Variants in MIPOL1 observed in about 807,000 individuals in gnomAD.
MIPOL1 encodes mirror-image polydactyly gene 1 protein.
A neutral mutation model predicts 60.9 loss-of-function variants in MIPOL1; 57 were observed. The observed-to-expected ratio is 0.94, with a 90% CI of 0.76 to 1.17. MIPOL1 has a LOEUF of 1.17. MIPOL1 is among the 50% of genes most tolerant of loss of function. The pLI, the probability that MIPOL1 is intolerant of heterozygous loss-of-function variation, is 0.00. For missense variants in MIPOL1, 551 were observed against 511.6 expected (o/e 1.08, Z -0.74); for synonymous variants, 179 against 168.8 (o/e 1.06, Z -0.47).
At chr14:37,324,383 T>C (rs2088928212) in intron 9 of MIPOL1, among the ~76,000 whole-genome samples, 1 of 152,134 alleles carries the variant, frequency 6.6e-6, no homozygotes, top group African/African-American at 2.4e-5. Flanking sequence ...CATCTGTTTA[T>C]GTATTTTGCC....
chr14:37,243,567 ATC>A (rs1972686710), intron 1 of MIPOL1, among the ~76,000 whole-genome samples: 1 of 152,162 alleles, frequency 6.6e-6, no homozygotes. Flanking sequence ...ATTGTAAATG[ATC>A]TCTAGTTTGA....
At chr14:37,241,227 C>A (rs116881755) in intron 1 of MIPOL1, among the ~76,000 whole-genome samples, 24 of 152,224 alleles carry the variant, frequency 1.6e-4, no homozygotes, top group Admixed American at 7.2e-4. Flanking sequence ...AAGGAGATCC[C>A]TCTTGCTTTC....
At position 37,308,547 on chromosome 14, in the gene MIPOL1, T is replaced by A. The variant is rs549698891; in HGVS notation, c.828+28T>A. On this transcript the variant is annotated intron_variant, in intron 9 of 12. Coordinates refer to ENST00000684589, the MANE Select transcript of MIPOL1 (RefSeq NM_001388067.1). Reference sequence around the variant, plus strand: ...AACTCTGCATATATCTGTAAAAGCATATACTTACCATTTTCCTCTCTATTT... The same window carrying A: ...AACTCTGCATATATCTGTAAAAGCAAATACTTACCATTTTCCTCTCTATTT... 8.4e-6 allele frequency: 12 copies of A among 1,427,728 alleles called. No homozygotes were observed. The Admixed American group carries it at 2.9e-4, about 34-fold the overall frequency. 88.4% of individuals were successfully genotyped at this position (1,427,728 alleles called of 1,614,324 possible). A position where few individuals can be genotyped will look rare whatever the true frequency, so the allele number is the denominator to read the frequency against.
At chr14:37,282,149 C>T (rs2153406387) in intron 6 of MIPOL1, among the ~76,000 whole-genome samples, 1 of 151,972 alleles carries the variant, frequency 6.6e-6, no homozygotes, top group East Asian at 1.9e-4. Context: ...CAAAATTTTT[C>T]TGAAGTTTAT....
At chr14:37,522,180 A>G (rs1263867249) in intron 12 of MIPOL1, among the ~76,000 whole-genome samples, 1 of 152,120 alleles carries the variant, frequency 6.6e-6, no homozygotes, top group African/African-American at 2.4e-5. Context: ...AAGTCAAATT[A>G]TCTGAGTTAG....
intron 11 of MIPOL1, among the ~76,000 whole-genome samples, chr14:37,470,516 T>C (rs2094670414): frequency 6.6e-6 from 1 of 152,118 alleles, no homozygotes; most frequent in Non-Finnish European, 1.5e-5. Context: ...TGCTCTGCCA[T>C]GTGAAGATGT....
intron 11 of MIPOL1, among the ~76,000 whole-genome samples, chr14:37,433,995 G>A (rs967350852): frequency 6.6e-5 from 10 of 152,148 alleles, no homozygotes; most frequent in South Asian, 4.1e-4. Flanking sequence ...ATAAACATAC[G>A]TGTGCATGTG....
intron 12 of MIPOL1, among the ~76,000 whole-genome samples, chr14:37,546,336 T>C (rs1293047917): frequency 6.6e-6 from 1 of 152,168 alleles, no homozygotes; most frequent in Non-Finnish European, 1.5e-5. Context: ...ATCAAATCAT[T>C]GTGTATTTTT....
chr14:37,343,916 A>T (rs113587641), intron 9 of MIPOL1, among the ~76,000 whole-genome samples: 1 of 152,144 alleles, frequency 6.6e-6, no homozygotes, highest in Non-Finnish European at 1.5e-5. Flanking sequence ...GAGAGCTGGT[A>T]TCATGAATCC....
At chr14:37,477,928 C>T (rs1341217050) in intron 11 of MIPOL1, among the ~76,000 whole-genome samples, 1 of 152,200 alleles carries the variant, frequency 6.6e-6, no homozygotes, top group African/African-American at 2.4e-5. Context: ...ATTCTCTGCT[C>T]TGTGGTATAA....
intron 9 of MIPOL1, among the ~76,000 whole-genome samples, chr14:37,319,016 T>A (rs1001277080): frequency 6.6e-6 from 1 of 152,046 alleles, no homozygotes; most frequent in Non-Finnish European, 1.5e-5. Flanking sequence ...TTTTTTTGTA[T>A]TTTTTGTAGA....
chr14:37,449,008 G>C (rs898134480), intron 11 of MIPOL1, among the ~76,000 whole-genome samples: 2 of 152,024 alleles, frequency 1.3e-5, no homozygotes, highest in East Asian at 3.9e-4. Context: ...TTTTGACTCT[G>C]TATCTTCTCA....
chr14:37,470,600 C>T (rs2094672634), intron 11 of MIPOL1, among the ~76,000 whole-genome samples: 1 of 152,130 alleles, frequency 6.6e-6, no homozygotes, highest in Non-Finnish European at 1.5e-5. Context: ...CCTGCACAGC[C>T]TGCAGAACTG....
chr14:37,530,025 G>T (rs1473441610), intron 12 of MIPOL1, among the ~76,000 whole-genome samples: 1 of 152,202 alleles, frequency 6.6e-6, no homozygotes, highest in African/African-American at 2.4e-5. Flanking sequence ...ATTAAATCAG[G>T]TTGGTGTTAG....
chr14:37,506,732 C>T (rs1012255064), intron 12 of MIPOL1: 1 of 152,060 alleles, frequency 6.6e-6, no homozygotes, highest in East Asian at 1.9e-4. Context: ...GCAACAAAAA[C>T]CAAAATTGAC....
chr14:37,408,477 A>G (rs1300809045), intron 10 of MIPOL1, among the ~76,000 whole-genome samples: 2 of 152,014 alleles, frequency 1.3e-5, no homozygotes, highest in Non-Finnish European at 2.9e-5. Context: ...AAAAATTACA[A>G]AAATTAGTTG....
chr14:37,367,950 A>G (rs1387705370), intron 9 of MIPOL1, among the ~76,000 whole-genome samples: 1 of 152,088 alleles, frequency 6.6e-6, no homozygotes, highest in South Asian at 2.1e-4. Context: ...AGACAGAGAC[A>G]CAGTTTAATA....
chr14:37,417,823 A>T (rs1490859678), intron 10 of MIPOL1, among the ~76,000 whole-genome samples: 1 of 152,180 alleles, frequency 6.6e-6, no homozygotes, highest in East Asian at 1.9e-4. Context: ...ATATTAAATT[A>T]TACCATATTG....
At chr14:37,419,026 C>A (rs1360281012) in intron 10 of MIPOL1, among the ~76,000 whole-genome samples, 1 of 152,046 alleles carries the variant, frequency 6.6e-6, no homozygotes, top group African/African-American at 2.4e-5. Context: ...AGTTATATTT[C>A]CACAAAAATG....
Sources: gnomAD v4.1 joint callset for allele counts (sites outside exome capture counted in the v4.1 genomes callset) on GRCh38, gnomAD v4.1.1 for gene constraint, MANE v1.5 for transcripts, NCBI Gene and HGNC (gene_info 2026-07-23, HGNC 2026-07-21) for gene names.